Variants in SLCO3A1 observed in about 807,000 individuals in gnomAD.
SLCO3A1 encodes PGE1 transporter.
SLCO3A1 carries 27 observed loss-of-function variants against 63.1 expected under a neutral mutation model. That is an observed-to-expected ratio of 0.43 (90% CI 0.32 to 0.59). The LOEUF (loss-of-function observed/expected upper bound fraction) is 0.59, where lower values mean the gene tolerates loss of function less well. SLCO3A1 is among the 20% of genes least tolerant of loss of function. The pLI, the probability that SLCO3A1 is intolerant of heterozygous loss-of-function variation, is 0.09. For synonymous variants in SLCO3A1, 473 were observed against 409.9 expected (o/e 1.15, Z -1.86); for missense variants, 773 against 945.8 (o/e 0.82, Z 2.40).
chr15:92,139,339 G>A (rs1464096636), intron 7 of SLCO3A1, among the ~76,000 whole-genome samples: 1 of 150,942 alleles, frequency 6.6e-6, no homozygotes, highest in Non-Finnish European at 1.5e-5. Context: ...CTTGATCATG[G>A]TGGATAAGCT....
intron 2 of SLCO3A1, among the ~76,000 whole-genome samples, chr15:91,929,521 C>T (rs1899148018): frequency 6.6e-6 from 1 of 152,084 alleles, no homozygotes; most frequent in South Asian, 2.1e-4. Context: ...TATTTCCAGT[C>T]TTTTTTTAAT....
chr15:92,025,584 T>A (rs2046563526), intron 2 of SLCO3A1, among the ~76,000 whole-genome samples: 2 of 152,188 alleles, frequency 1.3e-5, no homozygotes, highest in South Asian at 4.1e-4. Flanking sequence ...GCTTTCTGAT[T>A]TGTGACAACT....
chr15:91,907,273 C>A (rs1898337985), intron 1 of SLCO3A1, among the ~76,000 whole-genome samples: 1 of 151,958 alleles, frequency 6.6e-6, no homozygotes, highest in Non-Finnish European at 1.5e-5. Flanking sequence ...CTGGTGCGAT[C>A]TCAGCTCACT....
intron 2 of SLCO3A1, among the ~76,000 whole-genome samples, chr15:92,085,393 G>A (rs193046418): frequency 2.0e-4 from 30 of 152,304 alleles, no homozygotes; most frequent in Non-Finnish European, 3.1e-4. Context: ...CCAGTTTTGC[G>A]TAGGCATATT....
At chr15:91,918,457 G>T (rs1300351964) in intron 2 of SLCO3A1, among the ~76,000 whole-genome samples, 3 of 152,286 alleles carry the variant, frequency 2.0e-5, no homozygotes, top group Admixed American at 2.0e-4. Flanking sequence ...CCATGCCATG[G>T]AGATGATAGT....
chr15:92,055,405 A>G (rs1384397899), intron 2 of SLCO3A1, among the ~76,000 whole-genome samples: 1 of 152,146 alleles, frequency 6.6e-6, no homozygotes, highest in Non-Finnish European at 1.5e-5. Flanking sequence ...TTGTCTGTTA[A>G]TTCTGATAAT....
rs1306496422 is a variant in SLCO3A1, at chr15:92,130,899, A to AC, written c.1512+2410_1512+2411insC. Among the ~76,000 whole-genome samples, 3 of 151,738 alleles carry AC rather than the reference A, an allele frequency of 2.0e-5. No homozygotes were observed. In the East Asian group the frequency reaches 5.8e-4, roughly 29 times the overall value. On this transcript the variant is annotated intron_variant, in intron 7 of 9. Transcript: ENST00000318445. ...CAAGTTCGGGGCAAAAAAAAAAAAAAAAAAAAAAAACTCTTTGACAAGCTA... is the reference window on the plus strand; with the variant it reads ...CAAGTTCGGGGCAAAAAAAAAAAAAACAAAAAAAAAACTCTTTGACAAGCTA...
At chr15:91,903,537 G>A (rs1472491636) in intron 1 of SLCO3A1, among the ~76,000 whole-genome samples, 2 of 152,188 alleles carry the variant, frequency 1.3e-5, no homozygotes, top group Non-Finnish European at 1.5e-5. Flanking sequence ...GGGTCTTATG[G>A]TGTGTACTCA....
chr15:92,155,852 A>C (rs2048364304), intron 9 of SLCO3A1, among the ~76,000 whole-genome samples: 1 of 152,188 alleles, frequency 6.6e-6, no homozygotes, highest in Non-Finnish European at 1.5e-5. Flanking sequence ...AAGAAACAAT[A>C]GATCAAGTGT....
intron 2 of SLCO3A1, among the ~76,000 whole-genome samples, chr15:92,025,658 C>G (rs1213551295): frequency 6.6e-6 from 1 of 152,178 alleles, no homozygotes; most frequent in African/African-American, 2.4e-5. Context: ...AGGCTATGAT[C>G]AATTCTTTTC....
At position 92,129,712 on chromosome 15, in the gene SLCO3A1, T is replaced by C. The variant is rs184444571; in HGVS notation, c.1512+1223T>C. 3.4e-3 allele frequency among the ~76,000 whole-genome samples: 521 copies of C among 152,354 alleles called. 7 individuals are homozygous for C. The highest frequency in any genetic ancestry group is 0.01 in the Middle Eastern group (3 of 294). On this transcript the variant is annotated intron_variant, in intron 7 of 9. Transcript: ENST00000318445. ...ACTTAGAGTTGAGATCATTAGCTGCTGCTTCTTCCTACATCTTATATCTTT... is the reference window on the plus strand; with the variant it reads ...ACTTAGAGTTGAGATCATTAGCTGCCGCTTCTTCCTACATCTTATATCTTT...
chr15:92,016,254 T>TAGATAGA, intron 2 of SLCO3A1, among the ~76,000 whole-genome samples: 143 of 95,706 alleles, frequency 1.5e-3, no homozygotes, highest in Non-Finnish European at 2.1e-3. Context: ...GATAGATAGA[T>TAGATAGA]TAGATAGATA....
intron 7 of SLCO3A1, among the ~76,000 whole-genome samples, chr15:92,144,709 C>T (rs1002205281): frequency 2.6e-5 from 4 of 152,216 alleles, no homozygotes; most frequent in East Asian, 3.9e-4. Flanking sequence ...TCCTTCTTGT[C>T]CAGCTCCCGT....
intron 1 of SLCO3A1, among the ~76,000 whole-genome samples, chr15:91,901,600 A>C (rs1898158513): frequency 2.0e-5 from 3 of 152,172 alleles, no homozygotes; most frequent in Admixed American, 2.0e-4. Flanking sequence ...TTCATTTTCA[A>C]ATGAAAGCTT....
intron 1 of SLCO3A1, among the ~76,000 whole-genome samples, chr15:91,907,326 C>G (rs908746823): frequency 3.2e-4 from 48 of 152,050 alleles, no homozygotes; most frequent in African/African-American, 1.1e-3. Flanking sequence ...CTGCCTCAGC[C>G]TCCCGAGTAG....
At chr15:92,028,480 C>T (rs1442146261) in intron 2 of SLCO3A1, among the ~76,000 whole-genome samples, 5 of 152,096 alleles carry the variant, frequency 3.3e-5, no homozygotes, top group Non-Finnish European at 4.4e-5. Context: ...ACTAGACAGC[C>T]AGTGTTCTAG....
chr15:92,089,766 G>A (rs377618483), intron 2 of SLCO3A1, among the ~76,000 whole-genome samples: 24 of 152,242 alleles, frequency 1.6e-4, no homozygotes, highest in Non-Finnish European at 2.9e-4. Context: ...GCTGGAGGTC[G>A]TTTTCTTAAG....
intron 7 of SLCO3A1, among the ~76,000 whole-genome samples, chr15:92,133,196 C>T (rs548816591): frequency 6.8e-6 from 1 of 146,340 alleles, no homozygotes; most frequent in South Asian, 2.2e-4. Context: ...GACATTGCCA[C>T]ATGTCCCTCG....
At chr15:91,892,340 G>C (rs931970919) in intron 1 of SLCO3A1, among the ~76,000 whole-genome samples, 1 of 152,170 alleles carries the variant, frequency 6.6e-6, no homozygotes, top group Admixed American at 6.5e-5. Context: ...TTGGAGAAAA[G>C]CGCTAACAAA....
Sources: gnomAD v4.1 joint callset for allele counts (sites outside exome capture counted in the v4.1 genomes callset) on GRCh38, gnomAD v4.1.1 for gene constraint, MANE v1.5 for transcripts, NCBI Gene and HGNC (gene_info 2026-07-23, HGNC 2026-07-21) for gene names.